Variants in DAAM2 observed in about 807,000 individuals in gnomAD.
DAAM2 encodes disheveled-associated activator of morphogenesis 2.
A neutral mutation model predicts 120.7 loss-of-function variants in DAAM2; 39 were observed. The observed-to-expected ratio is 0.32, with a 90% CI of 0.25 to 0.42. The LOEUF (loss-of-function observed/expected upper bound fraction) is 0.42, where lower values mean the gene tolerates loss of function less well. DAAM2 is among the 10% of genes least tolerant of loss of function. The pLI is 1.00. For synonymous variants in DAAM2, 488 were observed against 524.9 expected (o/e 0.93, Z 0.96); for missense variants, 1,283 against 1,401.7 (o/e 0.92, Z 1.35).
chr6:39,816,745 G>T (rs905988496), intron 1 of DAAM2, among the ~76,000 whole-genome samples: 2 of 152,204 alleles, frequency 1.3e-5, no homozygotes, highest in African/African-American at 4.8e-5. Context: ...TTTCCAAGGA[G>T]AATCATCAAC....
At chr6:39,882,960 C>T (rs1765196326) in intron 14 of DAAM2, among the ~76,000 whole-genome samples, 1 of 152,110 alleles carries the variant, frequency 6.6e-6, no homozygotes, top group Non-Finnish European at 1.5e-5. Flanking sequence ...GTATGTTTCT[C>T]TCTCCAAGTC....
intron 19 of DAAM2, among the ~76,000 whole-genome samples, chr6:39,892,357 CTCCTT>C (rs1277349968): frequency 5.3e-5 from 8 of 152,228 alleles, no homozygotes; most frequent in Non-Finnish European, 1.0e-4. Context: ...GCTCCATTCT[CTCCTT>C]TCTAAAGTAG....
chr6:39,871,445 C>T (rs1764657254), intron 8 of DAAM2, 61 bp from the exon 9 acceptor site: 1 of 1,489,446 alleles, frequency 6.7e-7, no homozygotes, highest in African/African-American at 1.4e-5. Context: ...GGCTGTAACC[C>T]TCAACCAAGG....
At chr6:39,833,913 C>T (rs1317573523) in intron 1 of DAAM2, among the ~76,000 whole-genome samples, 1 of 152,208 alleles carries the variant, frequency 6.6e-6, no homozygotes, top group East Asian at 1.9e-4. Context: ...CTCACCACTA[C>T]CTTGGGGTTA....
chr6:39,900,129 C>T lies in DAAM2; in HGVS notation c.2732C>T (p.Pro911Leu), dbSNP rs373101111. 6 of 1,601,610 alleles carry T rather than the reference C, an allele frequency of 3.7e-6. No individual in the cohort carries two copies. Among genetic ancestry groups the T allele is most frequent in the Non-Finnish European group, 4.3e-6 (5 of 1,174,310 alleles). Residue 911 changes from proline (P) to leucine (L), a missense_variant, in exon 23 of 25, where the codon CCT (proline) becomes CTT (leucine). By Grantham distance (98) the Pro-to-Leu change is moderately conservative. Around this residue, in one of 3 missense-constraint regions of DAAM2, gnomAD observed 748 missense variants for 768.6 expected, o/e 0.97. Transcript: ENST00000274867. ...QVREPSDKFV[P>L]VMSDFITVSS... is the part of the protein sequence containing the mutation. ...CGGGAGCCCAGTGACAAGTTTGTCC[C>T]TGTCATGAGCGACTTCATCACGGTG...
intron 1 of DAAM2, among the ~76,000 whole-genome samples, chr6:39,838,804 A>G (rs1383424508): frequency 6.6e-6 from 1 of 152,072 alleles, no homozygotes; most frequent in African/African-American, 2.4e-5. Context: ...GATTACAGGC[A>G]CACACTACCA....
chr6:39,845,122 A>T (rs111209669), intron 1 of DAAM2, among the ~76,000 whole-genome samples: 117 of 146,482 alleles, frequency 8.0e-4, no homozygotes, highest in African/African-American at 2.8e-3. Context: ...ACATGTACCC[A>T]AACCCCATCT....
At chr6:39,844,842 G>A (rs543806063) in intron 1 of DAAM2, among the ~76,000 whole-genome samples, 4 of 147,908 alleles carry the variant, frequency 2.7e-5, no homozygotes, top group Middle Eastern at 3.4e-3. Flanking sequence ...ACAAGCATGT[G>A]TGTTTGCTTT....
chr6:39,874,478 C>G (rs1301663273), intron 10 of DAAM2, among the ~76,000 whole-genome samples: 1 of 152,212 alleles, frequency 6.6e-6, no homozygotes, highest in Non-Finnish European at 1.5e-5. Flanking sequence ...ACTTCTTGTG[C>G]TCCCAGGGAT....
intron 6 of DAAM2, chr6:39,868,085 A>T (rs983823208): frequency 3.8e-6 from 2 of 519,892 alleles, no homozygotes; most frequent in African/African-American, 3.8e-5. Flanking sequence ...CTTCCTTATT[A>T]GTCAGTGGGT....
At chr6:39,867,958 G>C in intron 6 of DAAM2, 115 bp downstream of exon 6, 2 of 933,850 alleles carry the variant, frequency 2.1e-6, no homozygotes, top group Non-Finnish European at 3.2e-6. Flanking sequence ...AAAGTAATGT[G>C]GTCTGCATGC....
chr6:39,883,849 C>T, intron 14 of DAAM2, 113 bp from the exon 15 acceptor site: 1 of 693,306 alleles, frequency 1.4e-6, no homozygotes. Context: ...GGTCTGAAAT[C>T]CTGGTCATCT....
At chr6:39,803,765 G>A (rs1342111909) in intron 1 of DAAM2, among the ~76,000 whole-genome samples, 1 of 152,206 alleles carries the variant, frequency 6.6e-6, no homozygotes, top group African/African-American at 2.4e-5. Context: ...AGGCTGTGGG[G>A]TGGGGGCTGT....
chr6:39,848,598 A>C (rs1763686203), intron 1 of DAAM2: 1 of 151,506 alleles, frequency 6.6e-6, no homozygotes, highest in Non-Finnish European at 1.5e-5. Context: ...TGTGTCTCCC[A>C]CCCCTAGGCC....
chr6:39,824,673 C>T (rs575245269), intron 1 of DAAM2, among the ~76,000 whole-genome samples: 2 of 152,258 alleles, frequency 1.3e-5, no homozygotes, highest in South Asian at 2.1e-4. Context: ...CTGGCCAGCT[C>T]CTGCAGGCAG....
chr6:39,818,313 C>G (rs1182346253), intron 1 of DAAM2, among the ~76,000 whole-genome samples: 1 of 151,982 alleles, frequency 6.6e-6, no homozygotes, highest in African/African-American at 2.4e-5. Context: ...CCAAAGTTAG[C>G]CACATGACTC....
At chr6:39,895,393 G>A (rs543906471) in intron 19 of DAAM2, among the ~76,000 whole-genome samples, 5 of 151,864 alleles carry the variant, frequency 3.3e-5, no homozygotes, top group South Asian at 2.1e-4. Context: ...GCACCACCAC[G>A]CCTGGCTAAT....
At chr6:39,852,106 G>C (rs1009988140) in intron 1 of DAAM2, among the ~76,000 whole-genome samples, 2 of 152,218 alleles carry the variant, frequency 1.3e-5, no homozygotes, top group African/African-American at 4.8e-5. Flanking sequence ...ACAGGATGTG[G>C]AGGGCAGGGA....
chr6:39,841,369 CA>C (rs1256889675), intron 1 of DAAM2, among the ~76,000 whole-genome samples: 2 of 21,308 alleles, frequency 9.4e-5, no homozygotes, highest in Non-Finnish European at 1.9e-4. Flanking sequence ...GAGGGAGTCC[CA>C]GGGGGAGGGT....
Sources: allele counts gnomAD v4.1 joint callset (sites outside exome capture counted in the v4.1 genomes callset), GRCh38; gene constraint gnomAD v4.1.1; regional missense constraint gnomAD v4.1.1; transcripts MANE v1.5; gene names NCBI Gene and HGNC (gene_info 2026-07-23, HGNC 2026-07-21).